EEF1G: variants seen among roughly 807,000 people sequenced by gnomAD.
EEF1G encodes the protein elongation factor 1-gamma.
A neutral mutation model predicts 58.3 loss-of-function variants in EEF1G; 14 were observed. The ratio of observed to expected loss-of-function variants is 0.24; its 90% CI spans 0.16 to 0.38. EEF1G has a LOEUF of 0.38. Ranked by LOEUF, EEF1G falls within the 10% of genes least tolerant of loss-of-function variation. The probability of loss-of-function intolerance (pLI) is 1.00; values close to 1 mark genes in which losing one functional copy is unlikely to be tolerated. For synonymous variants in EEF1G, 180 were observed against 206.8 expected, an observed-to-expected ratio of 0.87 and a Z score of 1.11; for missense variants, 322 against 550.1, an observed-to-expected ratio of 0.59 and a Z score of 4.15.
chr11:62,565,432 C>T (rs1331849889), intron 7 of EEF1G, among the ~76,000 whole-genome samples: 1 of 151,852 alleles, frequency 6.6e-6, no homozygotes, highest in Non-Finnish European at 1.5e-5. Context: ...CCCTGTAGGG[C>T]ATCATGGTAA....
intron 5 of EEF1G, among the ~76,000 whole-genome samples, chr11:62,568,352 C>A (rs1941582460): frequency 2.9e-5 from 4 of 138,714 alleles, no homozygotes; most frequent in African/African-American, 8.2e-5. Context: ...CACGCCACTG[C>A]ACTCCAGCTT....
chr11:62,560,727 C>A (rs1396817178), intron 7 of EEF1G, among the ~76,000 whole-genome samples: 1 of 152,156 alleles, frequency 6.6e-6, no homozygotes, highest in African/African-American at 2.4e-5. Flanking sequence ...CTGCTGCCCC[C>A]AGGTGGAGAC....
intron 5 of EEF1G, 32 bp from the exon 6 acceptor site, chr11:62,567,560 G>A: frequency 6.4e-7 from 1 of 1,555,522 alleles, no homozygotes; most frequent in East Asian, 2.3e-5. Context: ...AACAAAGTCA[G>A]TGGAAAGGCC....
intron 7 of EEF1G, 33 bp from the exon 8 acceptor site, chr11:62,560,487 A>G (rs1325061153): frequency 6.3e-7 from 1 of 1,598,596 alleles, no homozygotes. Flanking sequence ...GTCAATCAAT[A>G]AGGAGGAAGG....
intron 4 of EEF1G, 150 bp downstream of exon 4, chr11:62,571,390 C>A (rs930232743): frequency 7.7e-6 from 10 of 1,292,008 alleles, no homozygotes; most frequent in Non-Finnish European, 8.4e-6. Context: ...CAACTGCCCA[C>A]TGCTTCAAAC....
chr11:62,567,259 CATA>C (rs1361065562), intron 6 of EEF1G, 137 bp downstream of exon 6: 11 of 1,199,476 alleles, frequency 9.2e-6, no homozygotes, highest in African/African-American at 1.5e-5. Context: ...CGAAACTGCA[CATA>C]ATATTAGCTA....
At chr11:62,570,691 G>T (rs1941616184) in intron 5 of EEF1G, among the ~76,000 whole-genome samples, 1 of 152,014 alleles carries the variant, frequency 6.6e-6, no homozygotes, top group Admixed American at 6.6e-5. Context: ...AGTAGCTGGG[G>T]CTATAGGTGT....
chr11:62,567,132 G>A, intron 6 of EEF1G, 122 bp from the exon 7 acceptor site: 1 of 1,096,024 alleles, frequency 9.1e-7, no homozygotes, highest in Non-Finnish European at 1.3e-6. Flanking sequence ...AAGGAACTTA[G>A]GCCCCAGACT....
At chr11:62,565,437 T>C (rs1309211606) in intron 7 of EEF1G, among the ~76,000 whole-genome samples, 1 of 151,910 alleles carries the variant, frequency 6.6e-6, no homozygotes, top group African/African-American at 2.4e-5. Flanking sequence ...TAGGGCATCA[T>C]GGTAACCCAA....
At chr11:62,560,580 T>A in intron 7 of EEF1G, 126 bp from the exon 8 acceptor site, 2 of 1,062,712 alleles carry the variant, frequency 1.9e-6, no homozygotes, top group South Asian at 1.6e-5. Context: ...GGCAGATGTG[T>A]ATGACCTTAT....
intron 4 of EEF1G, 27 bp downstream of exon 4, chr11:62,571,512 TG>T (rs1941631062): frequency 6.3e-7 from 1 of 1,579,442 alleles, no homozygotes; most frequent in African/African-American, 1.3e-5. Flanking sequence ...CCCCTGCCCC[TG>T]GCTTCTCTCA....
chr11:62,572,858 C>T (rs966393235), intron 1 of EEF1G, 116 bp from the exon 2 acceptor site: 44 of 1,009,398 alleles, frequency 4.4e-5, no homozygotes, highest in East Asian at 1.1e-4. Context: ...CCTTTTACTT[C>T]CTCTGGTGAA....
At position 62,570,720 on chromosome 11, in the gene EEF1G, A is replaced by T. The variant is rs111252669; in HGVS notation, c.522+245T>A. On this transcript the variant is annotated intron_variant, in intron 5 of 9. Transcript: ENST00000329251. ...TAGGTGTGCGCCACCACACCTGGCT[A>T]ATTTTTTGTATTTTTAGTAGAGACA... 5.7e-4 allele frequency among the ~76,000 whole-genome samples: 86 copies of T among 151,600 alleles called. 1 individual carries two copies. Among genetic ancestry groups the T allele is most frequent in the African/African-American group, 2.0e-3 (81 of 41,328 alleles).
At chr11:62,561,564 G>A (rs781356913) in intron 7 of EEF1G, among the ~76,000 whole-genome samples, 10 of 150,134 alleles carry the variant, frequency 6.7e-5, no homozygotes, top group Non-Finnish European at 1.3e-4. Context: ...CAGCTACTCG[G>A]GAGGCAGGGA....
At chr11:62,565,229 A>G (rs1241827565) in intron 7 of EEF1G, among the ~76,000 whole-genome samples, 2 of 152,066 alleles carry the variant, frequency 1.3e-5, no homozygotes, top group African/African-American at 4.8e-5. Context: ...CTCTACAAAT[A>G]ATAAAAAATT....
chr11:62,561,797 T>C (rs1336849036), intron 7 of EEF1G, among the ~76,000 whole-genome samples: 1 of 152,164 alleles, frequency 6.6e-6, no homozygotes, highest in Non-Finnish European at 1.5e-5. Context: ...GTTTGTCTCT[T>C]TAACCACCTA....
chr11:62,572,829 C>T lies in EEF1G; in HGVS notation c.13-87G>A, dbSNP rs560146234. The T allele has an allele frequency of 1.5e-5, 19 of 1,293,610 alleles. No homozygotes were observed. The African/African-American group carries it at 2.7e-4, about 18-fold the overall frequency. The allele number at this position is 1,293,610 out of a possible 1,614,324, so 80.1% of individuals were successfully genotyped here. Reference sequence around the variant, plus strand: ...CTCCAGGATGACTTTCCTGAATAATCCCAATGTATTCAACTCACCCTTTTA... The same window carrying T: ...CTCCAGGATGACTTTCCTGAATAATTCCAATGTATTCAACTCACCCTTTTA... On this transcript the variant is annotated intron_variant, in intron 1 of 9. Coordinates refer to ENST00000329251, the MANE Select transcript of EEF1G (RefSeq NM_001404.5).
At chr11:62,572,559 G>T in intron 2 of EEF1G, 25 bp downstream of exon 2, 2 of 1,611,544 alleles carry the variant, frequency 1.2e-6, no homozygotes, top group Non-Finnish European at 1.7e-6. Context: ...CAGAACCGAA[G>T]GATGCTCCCC....
chr11:62,570,086 A>C (rs1302473597), intron 5 of EEF1G, among the ~76,000 whole-genome samples: 1 of 144,674 alleles, frequency 6.9e-6, no homozygotes, highest in East Asian at 2.0e-4. Flanking sequence ...TTTGAGATGG[A>C]GTCTCGCTCT....
Sources: allele counts gnomAD v4.1 joint callset (sites outside exome capture counted in the v4.1 genomes callset), GRCh38; gene constraint gnomAD v4.1.1; transcripts MANE v1.5; gene names NCBI Gene and HGNC (gene_info 2026-07-23, HGNC 2026-07-21).